The following SH3BGRL2 variants were observed in gnomAD, a reference collection of about 807,000 sequenced individuals.
SH3BGRL2 encodes the protein SH3 domain binding glutamate rich protein like 2.
SH3BGRL2 carries 21 observed loss-of-function variants against 14.8 expected under a neutral mutation model. That is an observed-to-expected ratio of 1.42 (90% CI 1.01 to 2.05). The LOEUF (loss-of-function observed/expected upper bound fraction) is 2.05. Among genes scored for constraint, SH3BGRL2 ranks in the 30% most tolerant of loss-of-function variants. The pLI, the probability that SH3BGRL2 is intolerant of heterozygous loss-of-function variation, is 0.00. For missense variants in SH3BGRL2, 147 were observed against 130.8 expected (o/e 1.12, Z -0.61); for synonymous variants, 50 against 47.8 (o/e 1.05, Z -0.19).
At chr6:79,558,921 G>A in the SH3BGRL2 span, among the ~76,000 whole-genome samples, 1 of 152,110 alleles carries the variant, frequency 6.6e-6, no homozygotes, top group African/African-American at 2.4e-5. Flanking sequence ...GCAGGAGGAG[G>A]AGAAGAAGGA....
chr6:79,669,452 C>CTTTT (rs66477199), intron 1 of SH3BGRL2, among the ~76,000 whole-genome samples: 98 of 122,910 alleles, frequency 8.0e-4, no homozygotes, highest in East Asian at 1.7e-3. Context: ...AATTTATATT[C>CTTTT]TTTTTTTTTT....
chr6:79,617,599 GTTTGT>G, the SH3BGRL2 span, among the ~76,000 whole-genome samples: 2 of 152,188 alleles, frequency 1.3e-5, no homozygotes, highest in Non-Finnish European at 2.9e-5. Context: ...ACTTTGCTGT[GTTTGT>G]TTTGTTTCAT....
At chr6:79,663,608 G>A (rs1769598561) in intron 1 of SH3BGRL2, among the ~76,000 whole-genome samples, 1 of 152,214 alleles carries the variant, frequency 6.6e-6, no homozygotes, top group East Asian at 1.9e-4. Context: ...CTCCCAGTTA[G>A]GCTACACAGG....
the SH3BGRL2 span, among the ~76,000 whole-genome samples, chr6:79,540,172 T>C: frequency 2.7e-4 from 41 of 152,252 alleles, no homozygotes; most frequent in African/African-American, 9.6e-4. Flanking sequence ...CTGTGGCTCA[T>C]GCCTGTAATC....
the SH3BGRL2 span, among the ~76,000 whole-genome samples, chr6:79,568,040 A>T: frequency 1.3e-5 from 2 of 152,214 alleles, no homozygotes; most frequent in Non-Finnish European, 2.9e-5. Flanking sequence ...TACCCAAAAC[A>T]TTGGCAAAAA....
intron 2 of SH3BGRL2, among the ~76,000 whole-genome samples, chr6:79,678,273 A>G (rs1006978488): frequency 6.6e-6 from 1 of 150,564 alleles, no homozygotes; most frequent in African/African-American, 2.4e-5. Flanking sequence ...ATCTGAAACT[A>G]TATCCCTTAA....
chr6:79,671,238 A>G (rs2746316), intron 1 of SH3BGRL2, among the ~76,000 whole-genome samples: 125,659 of 152,142 alleles, frequency 0.83, 52,013 homozygotes, highest in East Asian at 0.98. Context: ...AGGCCGAGGC[A>G]GGCAGATCAC....
At chr6:79,685,246 G>A (rs1407792312) in intron 2 of SH3BGRL2, among the ~76,000 whole-genome samples, 3 of 152,178 alleles carry the variant, frequency 2.0e-5, no homozygotes, top group African/African-American at 7.2e-5. Context: ...ATGGCTAGCA[G>A]TATATCTTAA....
chr6:79,655,832 A>G (rs1769399225), intron 1 of SH3BGRL2, among the ~76,000 whole-genome samples: 1 of 152,192 alleles, frequency 6.6e-6, no homozygotes, highest in Non-Finnish European at 1.5e-5. Flanking sequence ...GCCCCATTCC[A>G]GTCTTCCTGA....
the SH3BGRL2 span, among the ~76,000 whole-genome samples, chr6:79,598,461 T>C: frequency 1.3e-5 from 2 of 152,128 alleles, no homozygotes; most frequent in African/African-American, 4.8e-5. Context: ...CACTAAAACA[T>C]GAATAAACCT....
rs1407938176 is a variant in SH3BGRL2 at position 79,701,470 on chromosome 6, C to A, written c.*1961C>A. The A allele has an allele frequency of 6.6e-6, 1 of 152,090 alleles. No homozygotes were observed. Among genetic ancestry groups the A allele is most frequent in the Non-Finnish European group, 1.5e-5 (1 of 68,014 alleles). 9.4% of individuals were successfully genotyped at this position (152,090 alleles called of 1,614,324 possible). Reference sequence around the variant, plus strand: ...TAGGATCAATACCATACTTGCTAGACAAAGCTACCCAGATTTGTCTTATAT... The same window carrying A: ...TAGGATCAATACCATACTTGCTAGAAAAAGCTACCCAGATTTGTCTTATAT... On this transcript the variant is annotated 3_prime_UTR_variant, in exon 4 of 4. Coordinates refer to ENST00000369838, the MANE Select transcript of SH3BGRL2 (RefSeq NM_031469.4).
At chr6:79,620,652 A>T in the SH3BGRL2 span, among the ~76,000 whole-genome samples, 4 of 152,002 alleles carry the variant, frequency 2.6e-5, no homozygotes, top group Admixed American at 2.0e-4. Context: ...GAAAAAGAAC[A>T]TGTATGGGGA....
chr6:79,607,227 C>G, the SH3BGRL2 span, among the ~76,000 whole-genome samples: 1 of 152,164 alleles, frequency 6.6e-6, no homozygotes, highest in East Asian at 1.9e-4. Flanking sequence ...CACTGATTCC[C>G]TGTAGCTTCA....
At chr6:79,539,958 C>A in the SH3BGRL2 span, among the ~76,000 whole-genome samples, 1 of 152,114 alleles carries the variant, frequency 6.6e-6, no homozygotes, top group African/African-American at 2.4e-5. Context: ...AAATGTGATA[C>A]ATAACAAAAA....
At chr6:79,599,961 A>G in the SH3BGRL2 span, among the ~76,000 whole-genome samples, 4 of 152,170 alleles carry the variant, frequency 2.6e-5, no homozygotes, top group Non-Finnish European at 5.9e-5. Flanking sequence ...GCTGAGGAGA[A>G]AGCAAAACAA....
intron 1 of SH3BGRL2, among the ~76,000 whole-genome samples, chr6:79,657,288 G>A (rs1313973964): frequency 2.0e-5 from 3 of 152,132 alleles, no homozygotes; most frequent in African/African-American, 7.2e-5. Context: ...AATTCTTGGA[G>A]GTATCAGCAT....
At chr6:79,600,572 C>T in the SH3BGRL2 span, among the ~76,000 whole-genome samples, 1 of 152,154 alleles carries the variant, frequency 6.6e-6, no homozygotes, top group Non-Finnish European at 1.5e-5. Context: ...ACTACAGTCT[C>T]CTGCCCCACA....
chr6:79,572,442 T>TTTTTATTTTATTTTA, the SH3BGRL2 span, among the ~76,000 whole-genome samples: 388 of 151,008 alleles, frequency 2.6e-3, no homozygotes, highest in Non-Finnish European at 4.2e-3. Context: ...ATGGCATCTA[T>TTTTTATTTTATTTTA]TTTTATTTTA....
intron 1 of SH3BGRL2, among the ~76,000 whole-genome samples, chr6:79,632,666 CA>C (rs1768847824): frequency 3.3e-5 from 5 of 152,202 alleles, no homozygotes; most frequent in Admixed American, 2.6e-4. Flanking sequence ...CCCCCATTTG[CA>C]CTAGAAACAA....
Sources: gnomAD v4.1 joint callset for allele counts (sites outside exome capture counted in the v4.1 genomes callset) on GRCh38, gnomAD v4.1.1 for gene constraint, MANE v1.5 for transcripts, NCBI Gene and HGNC (gene_info 2026-07-23, HGNC 2026-07-21) for gene names.